SLC9A9: variants seen among roughly 807,000 people sequenced by gnomAD.
SLC9A9 encodes solute carrier family 9 member A9.
A neutral mutation model predicts 77.8 loss-of-function variants in SLC9A9; 62 were observed. That is an observed-to-expected ratio of 0.80 (90% CI 0.65 to 0.98). The LOEUF (loss-of-function observed/expected upper bound fraction) is 0.98. Among genes scored for constraint, SLC9A9 ranks in the 50% least tolerant of loss-of-function variants. The probability of loss-of-function intolerance (pLI) is 0.00; values close to 1 mark genes in which losing one functional copy is unlikely to be tolerated. For missense variants in SLC9A9, 775 were observed against 774.9 expected (o/e 1.00, Z 0.00); for synonymous variants, 320 against 283.5 (o/e 1.13, Z -1.29).
intron 9 of SLC9A9, among the ~76,000 whole-genome samples, chr3:143,531,834 A>G (rs2036514302): frequency 6.6e-6 from 1 of 151,254 alleles, no homozygotes; most frequent in Non-Finnish European, 1.5e-5. Context: ...GACCTCTGAG[A>G]CTCCCTGAGA....
At chr3:143,705,039 C>CTATCTATCTATA (rs1327278120) in intron 4 of SLC9A9, among the ~76,000 whole-genome samples, 35 of 31,118 alleles carry the variant, frequency 1.1e-3, no homozygotes, top group African/African-American at 3.8e-3. Context: ...ATCTATCTAT[C>CTATCTATCTATA]TATATAGATA....
chr3:143,460,866 G>T (rs1421915187), intron 12 of SLC9A9, among the ~76,000 whole-genome samples: 2 of 152,286 alleles, frequency 1.3e-5, no homozygotes, highest in East Asian at 1.9e-4. Flanking sequence ...AAACTAGATT[G>T]ATTTAAGCAA....
chr3:143,629,110 A>C (rs935290838), intron 6 of SLC9A9, among the ~76,000 whole-genome samples: 2 of 152,228 alleles, frequency 1.3e-5, no homozygotes, highest in Non-Finnish European at 2.9e-5. Flanking sequence ...TCAAGAGATA[A>C]GGTAATGTCT....
At chr3:143,362,079 A>G (rs2032769485) in intron 14 of SLC9A9, among the ~76,000 whole-genome samples, 1 of 152,216 alleles carries the variant, frequency 6.6e-6, no homozygotes, top group Non-Finnish European at 1.5e-5. Context: ...GAGATCAACC[A>G]GGAGCAAAAA....
In SLC9A9 at chr3:143,755,484, ACT is replaced by A. The variant is rs916283734; in HGVS notation, c.533+39515_533+39516del. On this transcript the variant is annotated intron_variant, in intron 4 of 15. Coordinates refer to ENST00000316549, the MANE Select transcript of SLC9A9 (RefSeq NM_173653.4). ...CCTAAATCTACAAGCAACCTTGATC[ACT>A]GTCATTTAATATTAAAATTTATAAG... is the stretch of plus-strand genomic sequence containing the variant. 1.4e-4 allele frequency among the ~76,000 whole-genome samples: 22 copies of A among 152,206 alleles called. 1 individual carries two copies. The highest frequency in any genetic ancestry group is 2.9e-5 in the Non-Finnish European group (2 of 68,028).
chr3:143,415,842 C>G (rs576068878), intron 12 of SLC9A9, among the ~76,000 whole-genome samples: 1 of 152,316 alleles, frequency 6.6e-6, no homozygotes, highest in East Asian at 1.9e-4. Flanking sequence ...GAAGATTCCT[C>G]TATCTCTATC....
chr3:143,268,488 C>T (rs1015587080), intron 15 of SLC9A9, among the ~76,000 whole-genome samples: 1 of 152,052 alleles, frequency 6.6e-6, no homozygotes, highest in South Asian at 2.1e-4. Context: ...AATCCCAGCA[C>T]TTTGGGAGGT....
rs1003838745 is a variant in SLC9A9 at position 143,266,410 on chromosome 3, G to C, written c.*292C>G. 1.1e-5 allele frequency: 6 copies of C among 551,246 alleles called. No homozygotes were observed. The highest frequency in any genetic ancestry group is 1.3e-5 in the Non-Finnish European group (4 of 308,210). The allele number at this position is 551,246 out of a possible 1,614,324, so 34.1% of individuals were successfully genotyped here. On this transcript the variant is annotated 3_prime_UTR_variant, in exon 16 of 16. Transcript: ENST00000316549. Reference sequence around the variant, plus strand: ...AGAAATGCCCTGAAGACCCAGCACAGCTGTCCCATCCTCCAGCAGCTAGAC... The same window carrying C: ...AGAAATGCCCTGAAGACCCAGCACACCTGTCCCATCCTCCAGCAGCTAGAC...
At position 143,272,004 on chromosome 3, in the gene SLC9A9, C is replaced by T. The variant is rs532355387; in HGVS notation, c.1605-3024G>A. On this transcript the variant is annotated intron_variant, in intron 14 of 15. Coordinates refer to ENST00000316549, the MANE Select transcript of SLC9A9 (RefSeq NM_173653.4). ...AGAGATGGAAGTAGATTCAGAGGAA[C>T]GGTGCCAGGGAAGAATGAAGGGGCA... 3.3e-5 allele frequency among the ~76,000 whole-genome samples: 5 copies of T among 152,130 alleles called. No individual in the cohort carries two copies. In the South Asian group the frequency reaches 6.2e-4, roughly 19 times the overall value.
At chr3:143,523,292 A>G (rs1220959207) in intron 9 of SLC9A9, among the ~76,000 whole-genome samples, 2 of 152,206 alleles carry the variant, frequency 1.3e-5, no homozygotes, top group African/African-American at 4.8e-5. Context: ...AGGCAGGAAG[A>G]AATCAACTTG....
At chr3:143,840,238 G>A (rs1262351661) in intron 1 of SLC9A9, among the ~76,000 whole-genome samples, 2 of 152,062 alleles carry the variant, frequency 1.3e-5, no homozygotes, top group African/African-American at 4.8e-5. Context: ...ATATAAGATA[G>A]TAGTTCCTAC....
intron 5 of SLC9A9, among the ~76,000 whole-genome samples, chr3:143,679,629 CCT>C (rs1216633195): frequency 2.0e-5 from 3 of 152,094 alleles, no homozygotes; most frequent in African/African-American, 4.8e-5. Context: ...ACATCACTAC[CCT>C]GGGTTAGTGG....
intron 5 of SLC9A9, among the ~76,000 whole-genome samples, chr3:143,687,973 C>A (rs1393058138): frequency 6.6e-6 from 1 of 151,474 alleles, no homozygotes; most frequent in African/African-American, 2.4e-5. Flanking sequence ...AAGTTGGATC[C>A]CTCCCTCCCT....
intron 6 of SLC9A9, among the ~76,000 whole-genome samples, chr3:143,605,727 C>T (rs942950221): frequency 6.6e-6 from 1 of 152,112 alleles, no homozygotes. Flanking sequence ...ACTTTTAAGG[C>T]CTCAAATTTG....
intron 12 of SLC9A9, among the ~76,000 whole-genome samples, chr3:143,447,497 T>A (rs561365537): frequency 2.6e-5 from 4 of 152,322 alleles, no homozygotes; most frequent in Non-Finnish European, 5.9e-5. Context: ...CAGGGCAAGT[T>A]GTTTTTTGCA....
intron 9 of SLC9A9, among the ~76,000 whole-genome samples, chr3:143,526,007 A>G (rs1180477943): frequency 1.3e-5 from 2 of 152,244 alleles, no homozygotes; most frequent in Non-Finnish European, 1.5e-5. Flanking sequence ...TAGGCAACAG[A>G]ATTGTCCTTG....
intron 5 of SLC9A9, among the ~76,000 whole-genome samples, chr3:143,690,150 A>T (rs1933413332): frequency 6.6e-6 from 1 of 151,730 alleles, no homozygotes; most frequent in Admixed American, 6.6e-5. Context: ...AGCAGTTTTT[A>T]GTTATCATAT....
At chr3:143,815,095 G>C (rs2008969930) in intron 2 of SLC9A9, among the ~76,000 whole-genome samples, 1 of 151,804 alleles carries the variant, frequency 6.6e-6, no homozygotes, top group African/African-American at 2.4e-5. Flanking sequence ...GAGTGGTAAG[G>C]GCCAAAATAA....
At chr3:143,533,117 C>T (rs930991856) in intron 9 of SLC9A9, among the ~76,000 whole-genome samples, 1 of 152,238 alleles carries the variant, frequency 6.6e-6, no homozygotes, top group African/African-American at 2.4e-5. Context: ...CATTTATTCA[C>T]CCACAAATAA....
Sources: allele counts gnomAD v4.1 joint callset (sites outside exome capture counted in the v4.1 genomes callset), GRCh38; gene constraint gnomAD v4.1.1; transcripts MANE v1.5; gene names NCBI Gene and HGNC (gene_info 2026-07-23, HGNC 2026-07-21).